The following CACNB2 variants were observed in gnomAD, a reference collection of about 807,000 sequenced individuals.
The protein encoded by CACNB2 is calcium voltage-gated channel auxiliary subunit beta 2.
In CACNB2, 42 loss-of-function variants were observed where a neutral mutation model predicts 73.3. The observed-to-expected ratio is 0.57, with a 90% CI of 0.45 to 0.74. The LOEUF (loss-of-function observed/expected upper bound fraction) is 0.74, where lower values mean the gene tolerates loss of function less well. Among genes scored for constraint, CACNB2 ranks in the 30% least tolerant of loss-of-function variants. The pLI is 0.00. For synonymous variants in CACNB2, 348 were observed against 310.3 expected (o/e 1.12, Z -1.28); for missense variants, 940 against 853.0 (o/e 1.10, Z -1.27).
At chr10:18,507,839 A>T (rs1157713305) in intron 6 of CACNB2, among the ~76,000 whole-genome samples, 1 of 152,238 alleles carries the variant, frequency 6.6e-6, no homozygotes, top group African/African-American at 2.4e-5. Flanking sequence ...ACAGTGACTG[A>T]TGTGCTTTAA....
At chr10:18,530,760 A>G (rs903795249) in intron 10 of CACNB2, among the ~76,000 whole-genome samples, 5 of 152,202 alleles carry the variant, frequency 3.3e-5, no homozygotes, top group African/African-American at 1.2e-4. Context: ...TAGGCCAAGT[A>G]CTGCAGTAAC....
chr10:18,405,885 G>A (rs1015804749), intron 3 of CACNB2, among the ~76,000 whole-genome samples: 2 of 152,188 alleles, frequency 1.3e-5, no homozygotes, highest in Non-Finnish European at 1.5e-5. Flanking sequence ...TTGACGCTGG[G>A]AGGGAAAGGT....
chr10:18,381,437 C>T (rs1418207506), intron 2 of CACNB2, among the ~76,000 whole-genome samples: 1 of 152,010 alleles, frequency 6.6e-6, no homozygotes, highest in East Asian at 1.9e-4. Flanking sequence ...ATGCCTGTAA[C>T]CCCAAAACTT....
At chr10:18,426,955 A>ATTTTTTTTTTTTTTTTTTTTTTTTTTTTT (rs551543429) in intron 3 of CACNB2, among the ~76,000 whole-genome samples, 2 of 81,674 alleles carry the variant, frequency 2.4e-5, no homozygotes, top group South Asian at 4.5e-4. Flanking sequence ...CCTTTTCTAC[A>ATTTTTTTTTTTTTTTTTTTTTTTTTTTTT]TTTTTTTTTT....
intron 2 of CACNB2, chr10:18,257,022 A>G (rs1485582909): frequency 2.0e-5 from 3 of 152,250 alleles, no homozygotes; most frequent in African/African-American, 7.2e-5. Context: ...AAAAGTGCCA[A>G]TATAGGAGTT....
At chr10:18,374,497 G>T (rs920246528) in intron 2 of CACNB2, among the ~76,000 whole-genome samples, 4 of 152,206 alleles carry the variant, frequency 2.6e-5, no homozygotes, top group Non-Finnish European at 5.9e-5. Flanking sequence ...GGAGGCTGAG[G>T]CAGGAGGATA....
intron 6 of CACNB2, among the ~76,000 whole-genome samples, chr10:18,511,979 G>T (rs1159529656): frequency 1.3e-5 from 2 of 152,164 alleles, no homozygotes; most frequent in East Asian, 1.9e-4. Flanking sequence ...AAAAATAAGA[G>T]CCTTGAAGTT....
intron 3 of CACNB2, among the ~76,000 whole-genome samples, chr10:18,409,581 C>A (rs2044500750): frequency 6.6e-6 from 1 of 152,164 alleles, no homozygotes; most frequent in Non-Finnish European, 1.5e-5. Flanking sequence ...TGACTCTGGA[C>A]AATGTTTAAT....
chr10:18,340,896 G>C, intron 2 of CACNB2: 5 of 1,614,106 alleles, frequency 3.1e-6, no homozygotes, highest in African/African-American at 1.3e-5. Context: ...ATTCCTGCTG[G>C]AGTGCTGGGC....
intron 3 of CACNB2, among the ~76,000 whole-genome samples, chr10:18,477,985 A>C (rs1271045016): frequency 6.6e-6 from 1 of 151,974 alleles, no homozygotes; most frequent in African/African-American, 2.4e-5. Flanking sequence ...CCCAGGCTGG[A>C]GTGCAAAGGC....
rs763711918 is a variant in CACNB2 at position 18,500,922 on chromosome 10, A to G, written c.567A>G (p.Arg189=). ...LENMRLQHEQ[R]AKQGKFYSSK... Reference sequence around the variant, plus strand: ...ACATGAGGCTGCAGCATGAACAGAGAGCCAAGCAAGGGAAATTCTACTCCA... The same window carrying G: ...ACATGAGGCTGCAGCATGAACAGAGGGCCAAGCAAGGGAAATTCTACTCCA... Residue 189 remains arginine (R), a synonymous_variant, in exon 5 of 14, where the codon AGA becomes AGG. Transcript: ENST00000324631. 16 of 1,613,994 alleles carry G rather than the reference A, an allele frequency of 9.9e-6. No individual in the cohort carries two copies. In the South Asian group the frequency reaches 1.8e-4, roughly 18 times the overall value.
In CACNB2 at chr10:18,539,966, C is replaced by T. The variant is rs543872505; in HGVS notation, c.*242C>T. Reference sequence around the variant, plus strand: ...CAGTCCTCCGGTTGCATACTGGACTCTTCAAAAACTGTTTTGGGTAGCTGC... The same window carrying T: ...CAGTCCTCCGGTTGCATACTGGACTTTTCAAAAACTGTTTTGGGTAGCTGC... On this transcript the variant is annotated 3_prime_UTR_variant, in exon 14 of 14. Transcript: ENST00000324631. The T allele has an allele frequency of 2.8e-4, 120 of 428,228 alleles. No individual in the cohort carries two copies. In the South Asian group the frequency reaches 3.4e-3, roughly 12 times the overall value. 26.5% of individuals were successfully genotyped at this position (428,228 alleles called of 1,614,324 possible). A position where few individuals can be genotyped will look rare whatever the true frequency, so the allele number is the denominator to read the frequency against.
chr10:18,431,619 A>G (rs1156980759), intron 3 of CACNB2, among the ~76,000 whole-genome samples: 1 of 152,156 alleles, frequency 6.6e-6, no homozygotes, highest in Non-Finnish European at 1.5e-5. Flanking sequence ...ATAAATTACA[A>G]TATTTTCCTC....
intron 3 of CACNB2, among the ~76,000 whole-genome samples, chr10:18,403,640 G>T (rs138939253): frequency 6.6e-6 from 1 of 151,524 alleles, no homozygotes; most frequent in African/African-American, 2.4e-5. Context: ...TTGCTGCAAA[G>T]AACTTTTAAA....
Position 18,402,134 on chromosome 10 carries a change from A to C in CACNB2, c.333+91A>C, listed in dbSNP as rs998933369. 4 of 1,372,356 alleles carry C rather than the reference A, an allele frequency of 2.9e-6. No homozygotes were observed. In the African/African-American group the frequency reaches 5.6e-5, roughly 19 times the overall value. 85.0% of individuals were successfully genotyped at this position (1,372,356 alleles called of 1,614,324 possible). On this transcript the variant is annotated intron_variant, in intron 3 of 13. Coordinates refer to ENST00000324631, the MANE Select transcript of CACNB2 (RefSeq NM_201596.3). Reference sequence around the variant, plus strand: ...GGGAGTTTCCCCTAAAGGTTGTTTGATCTATTAGAGAATTTCATTGTCTGG... The same window carrying C: ...GGGAGTTTCCCCTAAAGGTTGTTTGCTCTATTAGAGAATTTCATTGTCTGG...
intron 2 of CACNB2, among the ~76,000 whole-genome samples, chr10:18,199,174 A>T (rs1039694160): frequency 3.3e-5 from 5 of 152,182 alleles, no homozygotes; most frequent in African/African-American, 1.2e-4. Flanking sequence ...ATTAGTCTAA[A>T]GTAAATAATT....
At chr10:18,401,645 T>C (rs1488318228) in intron 2 of CACNB2, among the ~76,000 whole-genome samples, 2 of 152,182 alleles carry the variant, frequency 1.3e-5, no homozygotes, top group Non-Finnish European at 2.9e-5. Context: ...CATCAAGCTG[T>C]TTAATTATAA....
chr10:18,140,943 G>C, intron 1 of CACNB2, 87 bp downstream of exon 1: 1 of 1,533,106 alleles, frequency 6.5e-7, no homozygotes, highest in Non-Finnish European at 8.8e-7. Context: ...TCCACTGCAG[G>C]GATCTCTAGC....
intron 2 of CACNB2, among the ~76,000 whole-genome samples, chr10:18,225,623 T>C (rs2035962921): frequency 6.9e-6 from 1 of 144,230 alleles, no homozygotes. Context: ...GTTTCTTCCT[T>C]CCTTCCTTTC....
Sources: gnomAD v4.1 joint callset for allele counts (sites outside exome capture counted in the v4.1 genomes callset) on GRCh38, gnomAD v4.1.1 for gene constraint, MANE v1.5 for transcripts, NCBI Gene and HGNC (gene_info 2026-07-23, HGNC 2026-07-21) for gene names.